The following OCA2 variants were observed in gnomAD, a reference collection of about 807,000 sequenced individuals.
The protein encoded by OCA2 is P protein.
Under a neutral mutation model 100.2 loss-of-function variants are expected in OCA2, and 77 were observed. The ratio of observed to expected loss-of-function variants is 0.77; its 90% CI spans 0.64 to 0.93. The LOEUF is 0.93. Among genes scored for constraint, OCA2 ranks in the 40% least tolerant of loss-of-function variants. The pLI, the probability that OCA2 is intolerant of heterozygous loss-of-function variation, is 0.00. For synonymous variants in OCA2, 432 were observed against 439.2 expected (o/e 0.98, Z 0.21); for missense variants, 1,062 against 1,089.1 (o/e 0.98, Z 0.35).
At chr15:27,917,721 G>C (rs2038717668) in intron 19 of OCA2, among the ~76,000 whole-genome samples, 1 of 152,142 alleles carries the variant, frequency 6.6e-6, no homozygotes. Context: ...AAAATGAACA[G>C]GAACATCTGA....
chr15:28,035,671 G>A (rs1354050812), intron 2 of OCA2, among the ~76,000 whole-genome samples: 2 of 151,982 alleles, frequency 1.3e-5, no homozygotes, highest in Admixed American at 1.3e-4. Flanking sequence ...ACATTTTTCT[G>A]ACTTCAGTCT....
chr15:28,081,516 T>C, intron 2 of OCA2, 132 bp downstream of exon 2: 1 of 759,940 alleles, frequency 1.3e-6, no homozygotes, highest in Non-Finnish European at 2.3e-6. Context: ...GCCAGGAAAG[T>C]GATCTAATGC....
At chr15:28,046,291 G>A (rs779842731) in intron 2 of OCA2, among the ~76,000 whole-genome samples, 2 of 152,202 alleles carry the variant, frequency 1.3e-5, no homozygotes, top group African/African-American at 4.8e-5. Context: ...CAAAAGTGTA[G>A]GCAGAGTGTA....
At chr15:28,083,370 ATTG>A (rs2141918879) in intron 1 of OCA2, among the ~76,000 whole-genome samples, 1 of 152,324 alleles carries the variant, frequency 6.6e-6, no homozygotes, top group Non-Finnish European at 1.5e-5. Flanking sequence ...CCTTCTCACC[ATTG>A]TTATTTCCCT....
Position 27,810,821 on chromosome 15 carries a change from A to G in OCA2, c.2432+34138T>C, listed in dbSNP as rs149011921. ...AAATGCAAATCAAAACCACAATGAG[A>G]TGCCATCTTACTCTTGCAAAAATGG... On this transcript the variant is annotated intron_variant, in intron 23 of 23. Coordinates refer to ENST00000354638, the MANE Select transcript of OCA2 (RefSeq NM_000275.3). Among the ~76,000 whole-genome samples, 200 of 152,364 alleles carry G rather than the reference A, an allele frequency of 1.3e-3. 3 individuals carry two copies. In the East Asian group the frequency reaches 0.034, roughly 26 times the overall value.
intron 15 of OCA2, among the ~76,000 whole-genome samples, chr15:27,960,862 TCACTC>T (rs1286859179): frequency 1.4e-5 from 2 of 146,532 alleles, no homozygotes; most frequent in Non-Finnish European, 3.0e-5. Context: ...CAAGATTGCT[TCACTC>T]CACTCCAGCC....
chr15:27,963,395 G>A (rs1231219135), intron 15 of OCA2, among the ~76,000 whole-genome samples: 2 of 152,132 alleles, frequency 1.3e-5, no homozygotes, highest in East Asian at 1.9e-4. Flanking sequence ...AGCCATACAA[G>A]CCTCAATAAA....
At chr15:27,984,268 C>T (rs1032304739) in intron 13 of OCA2, among the ~76,000 whole-genome samples, 2 of 152,204 alleles carry the variant, frequency 1.3e-5, no homozygotes, top group Non-Finnish European at 1.5e-5. Context: ...TCCTACAACT[C>T]GCCCAGCGCA....
chr15:27,987,474 C>A (rs2041394396), intron 11 of OCA2, among the ~76,000 whole-genome samples: 1 of 151,638 alleles, frequency 6.6e-6, no homozygotes, highest in African/African-American at 2.4e-5. Flanking sequence ...AATCCCAGCA[C>A]TTTGGGAGGC....
intron 2 of OCA2, among the ~76,000 whole-genome samples, chr15:28,039,595 C>G (rs549315498): frequency 6.6e-6 from 1 of 152,166 alleles, no homozygotes; most frequent in African/African-American, 2.4e-5. Flanking sequence ...AACTGTGTAG[C>G]TTTGAAATTC....
chr15:28,060,617 A>G (rs971970071), intron 2 of OCA2, among the ~76,000 whole-genome samples: 2 of 152,212 alleles, frequency 1.3e-5, no homozygotes, highest in African/African-American at 4.8e-5. Flanking sequence ...GTCAAAATCA[A>G]TATTTTCAGA....
intron 9 of OCA2, among the ~76,000 whole-genome samples, chr15:27,997,206 ATAAAG>A (rs1381014947): frequency 6.8e-6 from 1 of 147,210 alleles, no homozygotes; most frequent in Non-Finnish European, 1.5e-5. Flanking sequence ...AGGAAAGGAT[ATAAAG>A]GAAAGGAAAG....
chr15:27,830,061 G>T (rs1456478218), intron 23 of OCA2, among the ~76,000 whole-genome samples: 1 of 152,170 alleles, frequency 6.6e-6, no homozygotes, highest in South Asian at 2.1e-4. Flanking sequence ...GAAATGATAT[G>T]ATTCTGTAAT....
intron 23 of OCA2, among the ~76,000 whole-genome samples, chr15:27,769,881 G>A (rs368444486): frequency 1.3e-5 from 1 of 74,762 alleles, no homozygotes; most frequent in African/African-American, 8.3e-5. Flanking sequence ...TGTGTGCAGC[G>A]CCTCGGCCTG....
chr15:27,719,267 T>C, the OCA2 span, among the ~76,000 whole-genome samples: 9 of 152,154 alleles, frequency 5.9e-5, no homozygotes, highest in Non-Finnish European at 1.2e-4. Flanking sequence ...CAGTCCTTCT[T>C]GCCACGTCCT....
intron 15 of OCA2, among the ~76,000 whole-genome samples, chr15:27,960,776 C>A (rs1442062302): frequency 1.3e-5 from 2 of 151,920 alleles, no homozygotes; most frequent in African/African-American, 2.4e-5. Context: ...TGGTGGCAGG[C>A]ACCAGTAATC....
chr15:28,076,840 C>T (rs111725615), intron 2 of OCA2, among the ~76,000 whole-genome samples: 6,902 of 123,074 alleles, frequency 0.056, 602 homozygotes, highest in African/African-American at 0.22. Flanking sequence ...GGCGACAGAG[C>T]GAGACTCCGT....
intron 2 of OCA2, among the ~76,000 whole-genome samples, chr15:28,045,532 T>C (rs2043322673): frequency 6.6e-6 from 1 of 152,138 alleles, no homozygotes; most frequent in Non-Finnish European, 1.5e-5. Context: ...TGTCAGTGTT[T>C]CTGGTACCCT....
At chr15:27,906,993 T>C (rs2038203157) in intron 19 of OCA2, among the ~76,000 whole-genome samples, 1 of 152,112 alleles carries the variant, frequency 6.6e-6, no homozygotes, top group Non-Finnish European at 1.5e-5. Context: ...TCACAAGGAC[T>C]AATAGAGTGA....
Sources: gnomAD v4.1 joint callset for allele counts (sites outside exome capture counted in the v4.1 genomes callset) on GRCh38, gnomAD v4.1.1 for gene constraint, MANE v1.5 for transcripts, NCBI Gene and HGNC (gene_info 2026-07-23, HGNC 2026-07-21) for gene names.